Variants in ANKRD30A observed in about 807,000 individuals in gnomAD.
ANKRD30A encodes ankyrin repeat domain-containing protein 30A.
ANKRD30A carries 170 observed loss-of-function variants against 166.3 expected under a neutral mutation model. That is an observed-to-expected ratio of 1.02 (90% CI 0.90 to 1.16). The LOEUF is 1.16. ANKRD30A is among the 50% of genes most tolerant of loss of function. The pLI is 0.00. For synonymous variants in ANKRD30A, 564 were observed against 508.9 expected, an observed-to-expected ratio of 1.11 and a Z score of -1.46; for missense variants, 1,630 against 1,518.0, an observed-to-expected ratio of 1.07 and a Z score of -1.23.
intron 5 of ANKRD30A, among the ~76,000 whole-genome samples, chr10:37,136,218 T>C (rs1297866981): frequency 6.6e-6 from 1 of 152,294 alleles, no homozygotes; most frequent in Non-Finnish European, 1.5e-5. Context: ...TTTATAATAG[T>C]CTAGTGAAAT....
At chr10:37,203,104 A>G (rs1440072136) in intron 31 of ANKRD30A, among the ~76,000 whole-genome samples, 3 of 152,192 alleles carry the variant, frequency 2.0e-5, no homozygotes, top group Admixed American at 6.5e-5. Flanking sequence ...CAATCAATAG[A>G]AAAAGAGGGA....
rs1220409903 is a variant in ANKRD30A at position 37,155,251 on chromosome 10, C to A, written c.1798+1589C>A. Among the ~76,000 whole-genome samples the A allele has an allele frequency of 2.6e-5, 4 of 151,998 alleles. No homozygotes were observed. The East Asian group carries it at 7.7e-4, about 29-fold the overall frequency. On this transcript the variant is annotated intron_variant, in intron 13 of 35. Coordinates refer to ENST00000361713, the MANE Select transcript of ANKRD30A (RefSeq NM_052997.3). The stretch of plus-strand genomic sequence containing the variant: ...TTGAAAGCTTATTAAATTTGCTATT[C>A]CTGATGAAGTTTGTACATCTTCCTC...
the ANKRD30A span, among the ~76,000 whole-genome samples, chr10:37,238,940 A>G: frequency 1.3e-3 from 205 of 152,268 alleles, no homozygotes; most frequent in Middle Eastern, 6.8e-3. Flanking sequence ...GTTATGAAGT[A>G]CAGTCTCTCA....
At chr10:37,237,576 C>G in the ANKRD30A span, among the ~76,000 whole-genome samples, 1 of 151,908 alleles carries the variant, frequency 6.6e-6, no homozygotes, top group Non-Finnish European at 1.5e-5. Context: ...TTTTTTCTCC[C>G]ATGTATAATT....
the ANKRD30A span, among the ~76,000 whole-genome samples, chr10:37,257,508 T>A: frequency 1.6e-4 from 24 of 152,316 alleles, 2 homozygotes; most frequent in South Asian, 4.6e-3. Context: ...CGATTTTAGA[T>A]CTTTCCAGCT....
Position 37,133,813 on chromosome 10 carries a change from T to C in ANKRD30A, c.618-103T>C, listed in dbSNP as rs955103739. The C allele has an allele frequency of 3.7e-6, 5 of 1,361,000 alleles. No homozygotes were observed. In the African/African-American group the frequency reaches 7.3e-5, roughly 20 times the overall value. The allele number at this position is 1,361,000 out of a possible 1,614,324, so 84.3% of individuals were successfully genotyped here. Reference sequence around the variant, plus strand: ...AGGATAAACACTTGAGCACTCAAGATACTTATGTTTGTTGGTACATGTAAA... The same window carrying C: ...AGGATAAACACTTGAGCACTCAAGACACTTATGTTTGTTGGTACATGTAAA... On this transcript the variant is annotated intron_variant, in intron 4 of 35. Coordinates refer to ENST00000361713, the MANE Select transcript of ANKRD30A (RefSeq NM_052997.3).
chr10:37,197,711 G>A (rs1326652953), intron 29 of ANKRD30A, among the ~76,000 whole-genome samples: 1 of 151,880 alleles, frequency 6.6e-6, no homozygotes, highest in Non-Finnish European at 1.5e-5. Context: ...TTTGTATCCT[G>A]AAACTGTAAT....
At chr10:37,263,662 G>C in the ANKRD30A span, among the ~76,000 whole-genome samples, 1 of 152,108 alleles carries the variant, frequency 6.6e-6, no homozygotes, top group African/African-American at 2.4e-5. Flanking sequence ...CTTCAGGTGG[G>C]AATGCCAGTG....
At chr10:37,183,807 C>G (rs1435814612) in intron 24 of ANKRD30A, among the ~76,000 whole-genome samples, 1 of 148,200 alleles carries the variant, frequency 6.7e-6, no homozygotes, top group Admixed American at 6.8e-5. Flanking sequence ...TAATTGTCAA[C>G]CACATTACTT....
At chr10:37,234,856 C>T (rs181211072), downstream of ANKRD30A, among the ~76,000 whole-genome samples, 30 of 152,240 alleles carry the variant, frequency 2.0e-4, no homozygotes, top group Admixed American at 1.8e-3. Flanking sequence ...CATGGTGGAA[C>T]ATTGTGTCAC....
intron 31 of ANKRD30A, among the ~76,000 whole-genome samples, chr10:37,210,509 A>G (rs1007668833): frequency 1.3e-5 from 2 of 152,060 alleles, no homozygotes; most frequent in Non-Finnish European, 2.9e-5. Context: ...GTCAAATGGT[A>G]TTTCTGGTTC....
chr10:37,234,632 A>T (rs1843595703), downstream of ANKRD30A, among the ~76,000 whole-genome samples: 1 of 152,118 alleles, frequency 6.6e-6, no homozygotes, highest in African/African-American at 2.4e-5. Context: ...GCCACCTCTC[A>T]TAGTATTATT....
At chr10:37,192,445 C>T (rs1588887968) in intron 25 of ANKRD30A, among the ~76,000 whole-genome samples, 3 of 151,918 alleles carry the variant, frequency 2.0e-5, no homozygotes, top group Admixed American at 6.6e-5. Flanking sequence ...TGAAAATACT[C>T]GTATTTCTCA....
chr10:37,193,506 T>C (rs538011574), intron 27 of ANKRD30A, among the ~76,000 whole-genome samples: 1 of 152,152 alleles, frequency 6.6e-6, no homozygotes, highest in African/African-American at 2.4e-5. Context: ...CGGATAAAGT[T>C]TCCAATTTGC....
Position 37,152,051 on chromosome 10 carries a change from CT to C in ANKRD30A, c.1646-5del. The C allele has an allele frequency of 1.9e-6, 3 of 1,603,306 alleles. No individual in the cohort carries two copies. The highest frequency in any genetic ancestry group is 2.6e-6 in the Non-Finnish European group (3 of 1,173,608). Reference sequence around the variant, plus strand: ...TGTCATGAATGTTTCTGTGATTAACCTTTTATAGATCCGATGTTCCCACCAG... The same window carrying C: ...TGTCATGAATGTTTCTGTGATTAACCTTTATAGATCCGATGTTCCCACCAG... On this transcript the variant is annotated splice_region_variant and splice_polypyrimidine_tract_variant and intron_variant, in intron 11 of 35. Transcript: ENST00000361713.
At chr10:37,162,005 T>A (rs956516076) in intron 15 of ANKRD30A, among the ~76,000 whole-genome samples, 1 of 152,314 alleles carries the variant, frequency 6.6e-6, no homozygotes, top group African/African-American at 2.4e-5. Flanking sequence ...TATAAATATG[T>A]CAATATTGAA....
At chr10:37,155,556 G>A (rs1038791466) in intron 13 of ANKRD30A, among the ~76,000 whole-genome samples, 4 of 152,014 alleles carry the variant, frequency 2.6e-5, no homozygotes, top group African/African-American at 9.7e-5. Context: ...ATTATAATGT[G>A]TTGCATTAAA....
chr10:37,134,949 G>A (rs1836590895), intron 5 of ANKRD30A, among the ~76,000 whole-genome samples: 1 of 152,118 alleles, frequency 6.6e-6, no homozygotes, highest in South Asian at 2.1e-4. Flanking sequence ...GTGCCATTTT[G>A]TAAGTAGCAG....
At chr10:37,251,724 C>T in the ANKRD30A span, among the ~76,000 whole-genome samples, 3 of 152,254 alleles carry the variant, frequency 2.0e-5, no homozygotes, top group African/African-American at 2.4e-5. Context: ...TTTTTGAGTA[C>T]GTATGGGTAC....
Sources: gnomAD v4.1 joint callset for allele counts (sites outside exome capture counted in the v4.1 genomes callset) on GRCh38, gnomAD v4.1.1 for gene constraint, MANE v1.5 for transcripts, NCBI Gene and HGNC (gene_info 2026-07-23, HGNC 2026-07-21) for gene names.